The following UBASH3B variants were observed in gnomAD, a reference collection of about 807,000 sequenced individuals.
The protein encoded by UBASH3B is ubiquitin associated and SH3 domain containing B.
A neutral mutation model predicts 83.4 loss-of-function variants in UBASH3B; 37 were observed. The observed-to-expected ratio is 0.44, with a 90% CI of 0.34 to 0.58. UBASH3B has a LOEUF of 0.58. Among genes scored for constraint, UBASH3B ranks in the 20% least tolerant of loss-of-function variants. The pLI is 0.01. For missense variants in UBASH3B, 657 were observed against 827.2 expected, an observed-to-expected ratio of 0.79 and a Z score of 2.52; for synonymous variants, 304 against 318.3, an observed-to-expected ratio of 0.96 and a Z score of 0.48.
At chr11:122,781,630 C>T (rs1436542097) in intron 4 of UBASH3B, among the ~76,000 whole-genome samples, 3 of 152,344 alleles carry the variant, frequency 2.0e-5, no homozygotes, top group South Asian at 2.1e-4. Context: ...GATGACCCTG[C>T]GCAGCTTAGC....
intron 1 of UBASH3B, among the ~76,000 whole-genome samples, chr11:122,703,416 G>A: frequency 6.6e-6 from 1 of 150,522 alleles, no homozygotes; most frequent in South Asian, 2.1e-4. Context: ...AACAGAGCAG[G>A]CCTCCGTCTC....
chr11:122,680,552 C>T (rs1863724531), intron 1 of UBASH3B, among the ~76,000 whole-genome samples: 1 of 152,254 alleles, frequency 6.6e-6, no homozygotes, highest in Non-Finnish European at 1.5e-5. Flanking sequence ...CAACCTCTGA[C>T]ACCTGGGTTC....
At chr11:122,686,518 A>G (rs1221556368) in intron 1 of UBASH3B, among the ~76,000 whole-genome samples, 2 of 152,186 alleles carry the variant, frequency 1.3e-5, no homozygotes, top group Non-Finnish European at 2.9e-5. Flanking sequence ...ATGGTCTTAA[A>G]TGTTAAGAAA....
chr11:122,804,933 G>A (rs1861312799), intron 11 of UBASH3B, among the ~76,000 whole-genome samples: 1 of 152,192 alleles, frequency 6.6e-6, no homozygotes. Flanking sequence ...CGGGGGTGGA[G>A]GCAGGCAGAG....
intron 1 of UBASH3B, among the ~76,000 whole-genome samples, chr11:122,660,439 G>T (rs375226107): frequency 2.2e-4 from 33 of 152,310 alleles, no homozygotes; most frequent in African/African-American, 7.9e-4. Context: ...CTTCCTTGAG[G>T]CTAGTGAGGT....
At chr11:122,768,015 C>T (rs1860579225) in intron 1 of UBASH3B, among the ~76,000 whole-genome samples, 2 of 147,244 alleles carry the variant, frequency 1.4e-5, no homozygotes, top group South Asian at 2.1e-4. Flanking sequence ...GCATGACTGT[C>T]GTGTGGCCTG....
At chr11:122,762,424 C>A (rs1431391721) in intron 1 of UBASH3B, among the ~76,000 whole-genome samples, 1 of 152,212 alleles carries the variant, frequency 6.6e-6, no homozygotes, top group Non-Finnish European at 1.5e-5. Flanking sequence ...CTCCCCAGAG[C>A]CTGACTGTGG....
intron 6 of UBASH3B, among the ~76,000 whole-genome samples, chr11:122,792,643 G>A (rs954282918): frequency 6.6e-6 from 1 of 152,184 alleles, no homozygotes; most frequent in Non-Finnish European, 1.5e-5. Context: ...TGAACTGTGT[G>A]ATGTTTGGGA....
At chr11:122,752,312 A>ACAAT (rs548243403) in intron 1 of UBASH3B, among the ~76,000 whole-genome samples, 473 of 152,212 alleles carry the variant, frequency 3.1e-3, no homozygotes, top group Non-Finnish European at 5.5e-3. Flanking sequence ...GACACACAAA[A>ACAAT]CAATCAGAAA....
intron 1 of UBASH3B, chr11:122,773,865 G>A (rs2135135565): frequency 2.0e-6 from 1 of 502,600 alleles, no homozygotes. Flanking sequence ...ATTTCATTGG[G>A]GGAAGGGTGT....
In UBASH3B at chr11:122,801,301, G is replaced by A. The variant is rs1861255367; in HGVS notation, c.1564G>A (p.Ala522Thr). 6.2e-7 allele frequency: 1 copy of A among 1,614,194 alleles called. No homozygotes were observed. The highest frequency in any genetic ancestry group is 1.3e-5 in the African/African-American group (1 of 75,060). Reference sequence around the variant, plus strand: ...ATGGATACCTCCATCAGAGTTAGCTGCAGCCAACCTGAGTGTTGATACAAC... The same window carrying A: ...ATGGATACCTCCATCAGAGTTAGCTACAGCCAACCTGAGTGTTGATACAAC... ...PAWIPPSELAAANLSVDTTYR... is the reference protein window; with the variant it reads ...PAWIPPSELATANLSVDTTYR... Residue 522 changes from alanine to threonine, a missense_variant, in exon 11 of 14, where the codon GCA becomes ACA. Around this residue, in one of 3 missense-constraint regions of UBASH3B, gnomAD observed 573 missense variants for 739.0 expected, o/e 0.78. Transcript: ENST00000284273.
intron 1 of UBASH3B, among the ~76,000 whole-genome samples, chr11:122,679,041 C>T (rs1168600797): frequency 6.6e-6 from 1 of 152,128 alleles, no homozygotes; most frequent in South Asian, 2.1e-4. Context: ...AAGAGGTACA[C>T]GAGGTACTAA....
intron 6 of UBASH3B, among the ~76,000 whole-genome samples, chr11:122,792,312 CTTTTTTTTTTTT>C (rs1230308395): frequency 7.7e-6 from 1 of 129,222 alleles, no homozygotes; most frequent in African/African-American, 2.8e-5. Context: ...TTTTTTTTTT[CTTTTTTTTTTTT>C]TTAATTTTTT....
At chr11:122,807,549 AATTATT>A (rs993379336) in intron 12 of UBASH3B, among the ~76,000 whole-genome samples, 1 of 151,888 alleles carries the variant, frequency 6.6e-6, no homozygotes, top group Admixed American at 6.6e-5. Context: ...ATAAATCCAT[AATTATT>A]ATTATTATTT....
chr11:122,769,736 G>T (rs1860610180), intron 1 of UBASH3B, among the ~76,000 whole-genome samples: 1 of 152,202 alleles, frequency 6.6e-6, no homozygotes, highest in South Asian at 2.1e-4. Flanking sequence ...TTCCGTTGTG[G>T]CAACAATGAC....
intron 1 of UBASH3B, among the ~76,000 whole-genome samples, chr11:122,746,698 T>G (rs1361967071): frequency 6.6e-6 from 1 of 152,174 alleles, no homozygotes; most frequent in Non-Finnish European, 1.5e-5. Flanking sequence ...CTGCTATCTG[T>G]GGTGGGGAAG....
chr11:122,809,972 C>G lies in UBASH3B; in HGVS notation c.*86C>G. ...ACAGTGGGAAAATCCACACCACACTCTAAGTGGACAGCTCAGAATAATTTA... is the reference window on the plus strand; with the variant it reads ...ACAGTGGGAAAATCCACACCACACTGTAAGTGGACAGCTCAGAATAATTTA... On this transcript the variant is annotated 3_prime_UTR_variant, in exon 14 of 14. Transcript: ENST00000284273. 1.4e-6 allele frequency: 2 copies of G among 1,469,490 alleles called. No individual in the cohort carries two copies. The highest frequency in any genetic ancestry group is 1.9e-6 in the Non-Finnish European group (2 of 1,076,106). 91.0% of individuals were successfully genotyped at this position (1,469,490 alleles called of 1,614,324 possible). A position where few individuals can be genotyped will look rare whatever the true frequency, so the allele number is the denominator to read the frequency against.
At chr11:122,775,198 A>G (rs1003844937) in intron 1 of UBASH3B, among the ~76,000 whole-genome samples, 4 of 152,252 alleles carry the variant, frequency 2.6e-5, no homozygotes, top group African/African-American at 7.2e-5. Flanking sequence ...GAATGCATGA[A>G]TGAATGAAAG....
At chr11:122,677,053 C>A (rs891576673) in intron 1 of UBASH3B, among the ~76,000 whole-genome samples, 1 of 152,100 alleles carries the variant, frequency 6.6e-6, no homozygotes, top group African/African-American at 2.4e-5. Flanking sequence ...TTGTTTCAAC[C>A]AATTGCAAAT....
Sources: gnomAD v4.1 joint callset for allele counts (sites outside exome capture counted in the v4.1 genomes callset) on GRCh38, gnomAD v4.1.1 for gene constraint, gnomAD v4.1.1 regional missense constraint, MANE v1.5 for transcripts, NCBI Gene and HGNC (gene_info 2026-07-23, HGNC 2026-07-21) for gene names.